NOCT: variants seen among roughly 807,000 people sequenced by gnomAD.
The protein encoded by NOCT is nocturnin.
A neutral mutation model predicts 35.0 loss-of-function variants in NOCT; 18 were observed. The observed-to-expected ratio is 0.51, with a 90% CI of 0.36 to 0.76. NOCT has a LOEUF of 0.76. NOCT is among the 30% of genes least tolerant of loss of function. The pLI is 0.01. For synonymous variants in NOCT, 235 were observed against 226.3 expected, an observed-to-expected ratio of 1.04 and a Z score of -0.34; for missense variants, 479 against 541.0, an observed-to-expected ratio of 0.89 and a Z score of 1.14.
Position 139,044,880 on chromosome 4 carries a change from TG to T in NOCT, c.704del (p.Gly235ValfsTer13), listed in dbSNP as rs1382364060. The T allele has an allele frequency of 1.2e-6, 2 of 1,614,090 alleles. No individual in the cohort carries two copies. Among genetic ancestry groups the T allele is most frequent in the African/African-American group, 2.7e-5 (2 of 74,940 alleles). ...LDVEHNNGPD[G>X]CALFFLQNRF... ...ATGTAGAACACAACAATGGACCAGA[TG>T]GTTGTGCCTTATTTTTTCTTCAAAA... On this transcript the variant is annotated frameshift_variant, in exon 3 of 3. Coordinates refer to ENST00000280614, the MANE Select transcript of NOCT (RefSeq NM_012118.4). LOFTEE classifies it high-confidence loss of function.
At chr4:139,026,613 C>T (rs1290210337) in intron 1 of NOCT, among the ~76,000 whole-genome samples, 5 of 151,222 alleles carry the variant, frequency 3.3e-5, no homozygotes, top group Non-Finnish European at 5.9e-5. Context: ...TGCAGTGGCA[C>T]GATCTCGGCT....
At chr4:139,020,501 G>A (rs1031041999) in intron 1 of NOCT, among the ~76,000 whole-genome samples, 4 of 152,292 alleles carry the variant, frequency 2.6e-5, no homozygotes, top group African/African-American at 9.6e-5. Flanking sequence ...GGTGGCGCTC[G>A]CATGCAGGAG....
rs1356461 is a variant in NOCT, at chr4:139,016,063, C to A, written c.82C>A (p.Leu28Met). The A allele has an allele frequency of 7.2e-7, 1 of 1,390,930 alleles. No individual in the cohort carries two copies. The highest frequency in any genetic ancestry group is 1.6e-5 in the South Asian group (1 of 63,492). 86.2% of individuals were successfully genotyped at this position (1,390,930 alleles called of 1,614,324 possible). A position where few individuals can be genotyped will look rare whatever the true frequency, so the allele number is the denominator to read the frequency against. ...CCTGCGCCGCCTGCCCGCCCCAGGG[C>A]TGCGCCGCCCGTTGTCCCCGCCGGC... Reference protein sequence around the residue: ...PGLRRLPAPGLRRPLSPPAAV... With the variant: ...PGLRRLPAPGMRRPLSPPAAV... Residue 28 changes from leucine (L) to methionine (M), a missense_variant, in exon 1 of 3, where the codon CTG (leucine) becomes ATG (methionine). Leu to Met is a conservative substitution (Grantham distance 15, BLOSUM62 2). Coordinates refer to ENST00000280614, the MANE Select transcript of NOCT (RefSeq NM_012118.4).
intron 1 of NOCT, among the ~76,000 whole-genome samples, chr4:139,023,153 G>A (rs1365514642): frequency 6.6e-6 from 1 of 150,692 alleles, no homozygotes; most frequent in African/African-American, 2.4e-5. Context: ...GAATTGTTCC[G>A]GAAGGATATC....
chr4:139,028,193 T>G (rs188533534), intron 1 of NOCT: 1 of 152,242 alleles, frequency 6.6e-6, no homozygotes, highest in African/African-American at 2.4e-5. Context: ...CAATAGACAA[T>G]TGAGCACCAG....
intron 1 of NOCT, among the ~76,000 whole-genome samples, chr4:139,027,757 C>T (rs948325784): frequency 6.6e-6 from 1 of 152,174 alleles, no homozygotes; most frequent in Non-Finnish European, 1.5e-5. Flanking sequence ...CTCGGCCTCC[C>T]AAAGTGCTGG....
At chr4:139,024,501 C>T (rs1726477365) in intron 1 of NOCT, among the ~76,000 whole-genome samples, 1 of 152,116 alleles carries the variant, frequency 6.6e-6, no homozygotes, top group African/African-American at 2.4e-5. Flanking sequence ...TATAATGTCT[C>T]TCGTACTTTA....
chr4:139,042,071 C>CTTTT lies in NOCT; in HGVS notation c.191-986_191-983dup, dbSNP rs368776726. Among the ~76,000 whole-genome samples the CTTTT allele has an allele frequency of 9.1e-3, 992 of 108,668 alleles. 37 individuals are homozygous for CTTTT. The highest frequency in any genetic ancestry group is 0.025 in the African/African-American group (713 of 28,574). The allele number at this position is 108,668 out of a possible 152,430, so 71.3% of individuals were successfully genotyped here. A position where few individuals can be genotyped will look rare whatever the true frequency, so the allele number is the denominator to read the frequency against. ...CTTTTTACAAACTAGTCTTTAAGAT[C>CTTTT]TTTTTTTTTTTTTTTTTTTTGAGTC... On this transcript the variant is annotated intron_variant, in intron 1 of 2. Transcript: ENST00000280614.
intron 1 of NOCT, among the ~76,000 whole-genome samples, chr4:139,027,780 G>C (rs1005754322): frequency 6.6e-6 from 1 of 152,162 alleles, no homozygotes; most frequent in African/African-American, 2.4e-5. Context: ...TTACAGGCTT[G>C]AGCCAACGCG....
chr4:139,041,516 T>G (rs1249296826), intron 1 of NOCT, among the ~76,000 whole-genome samples: 2 of 152,212 alleles, frequency 1.3e-5, no homozygotes, highest in African/African-American at 4.8e-5. Context: ...TAAAACATAG[T>G]TGACCTCTAA....
At chr4:139,025,934 C>T (rs934318286) in intron 1 of NOCT, among the ~76,000 whole-genome samples, 8 of 152,054 alleles carry the variant, frequency 5.3e-5, no homozygotes, top group African/African-American at 7.3e-5. Flanking sequence ...GCAACATATT[C>T]TTTTTTTAAT....
intron 1 of NOCT, among the ~76,000 whole-genome samples, chr4:139,026,091 C>T (rs774519515): frequency 6.6e-6 from 1 of 152,040 alleles, no homozygotes; most frequent in Non-Finnish European, 1.5e-5. Flanking sequence ...TCCAAATGGA[C>T]TATACAATTT....
At chr4:139,028,525 C>T (rs1157863915) in intron 1 of NOCT, among the ~76,000 whole-genome samples, 1 of 152,212 alleles carries the variant, frequency 6.6e-6, no homozygotes, top group Non-Finnish European at 1.5e-5. Flanking sequence ...ACGACAGTGA[C>T]GTCGACAGAT....
chr4:139,020,711 C>G (rs1726393194), intron 1 of NOCT, among the ~76,000 whole-genome samples: 1 of 152,066 alleles, frequency 6.6e-6, no homozygotes, highest in Non-Finnish European at 1.5e-5. Flanking sequence ...CTCCTTTCCC[C>G]AAAGGTACTT....
chr4:139,028,922 A>G (rs1017595771), intron 1 of NOCT, among the ~76,000 whole-genome samples: 2 of 151,836 alleles, frequency 1.3e-5, no homozygotes, highest in African/African-American at 2.4e-5. Context: ...GCTCACTGCA[A>G]CCTCCTCCCA....
At chr4:139,044,550 C>A in intron 2 of NOCT, 89 bp from the exon 3 acceptor site, 1 of 756,150 alleles carries the variant, frequency 1.3e-6, no homozygotes, top group Non-Finnish European at 2.2e-6. Context: ...AGGAAGCATT[C>A]TGAGGGTCTT....
chr4:139,027,276 G>A lies in NOCT; in HGVS notation c.190+11105G>A, dbSNP rs1412612872. On this transcript the variant is annotated intron_variant, in intron 1 of 2. Transcript: ENST00000280614. ...TGCAGGCTCAGCCTCCTGGGCTCACGCAATCCTCCTGCCCCAGCCTCCCAA... is the reference window on the plus strand; with the variant it reads ...TGCAGGCTCAGCCTCCTGGGCTCACACAATCCTCCTGCCCCAGCCTCCCAA... 3.0e-4 allele frequency among the ~76,000 whole-genome samples: 45 copies of A among 149,508 alleles called. No individual in the cohort carries two copies. In the Admixed American group the frequency reaches 3.0e-3, roughly 10 times the overall value.
In NOCT at chr4:139,016,215, A is replaced by G. The variant is rs1405582991; in HGVS notation, c.190+44A>G. ...CGGGCGGAGAACGCCACGGCCGCCA[A>G]CGCGCGGCCGCCACCTGGAGACCGC... On this transcript the variant is annotated intron_variant, in intron 1 of 2. Transcript: ENST00000280614. The G allele has an allele frequency of 9.4e-6, 11 of 1,176,390 alleles. No individual in the cohort carries two copies. In the East Asian group the frequency reaches 1.4e-4, roughly 14 times the overall value. The allele number at this position is 1,176,390 out of a possible 1,614,324, so 72.9% of individuals were successfully genotyped here.
At chr4:139,019,542 C>A (rs1379425843) in intron 1 of NOCT, among the ~76,000 whole-genome samples, 2 of 152,200 alleles carry the variant, frequency 1.3e-5, no homozygotes, top group African/African-American at 4.8e-5. Context: ...ATTGAAGGGG[C>A]CAAAAGCTCC....
Sources: allele counts gnomAD v4.1 joint callset (sites outside exome capture counted in the v4.1 genomes callset), GRCh38; gene constraint gnomAD v4.1.1; transcripts MANE v1.5; gene names NCBI Gene and HGNC (gene_info 2026-07-23, HGNC 2026-07-21).